The following UBE4B variants were observed in gnomAD, a reference collection of about 807,000 sequenced individuals.
UBE4B encodes the protein ubiquitin conjugation factor E4 B.
In UBE4B, 27 loss-of-function variants were observed where a neutral mutation model predicts 148.1. That is an observed-to-expected ratio of 0.18 (90% CI 0.13 to 0.25). The LOEUF is 0.25. Ranked by LOEUF, UBE4B falls within the 10% of genes least tolerant of loss-of-function variation. The pLI, the probability that UBE4B is intolerant of heterozygous loss-of-function variation, is 1.00. For synonymous variants in UBE4B, 596 were observed against 619.3 expected (o/e 0.96, Z 0.56); for missense variants, 1,170 against 1,662.4 (o/e 0.70, Z 5.15).
chr1:10,173,000 G>A (rs574982517), intron 25 of UBE4B, among the ~76,000 whole-genome samples: 4 of 152,234 alleles, frequency 2.6e-5, no homozygotes, highest in South Asian at 4.1e-4. Context: ...ATAGAGCCTC[G>A]ACGTGGTGTA....
chr1:10,143,399 T>TA (rs142948257), intron 17 of UBE4B, among the ~76,000 whole-genome samples: 1,979 of 148,540 alleles, frequency 0.013, 17 homozygotes, highest in Non-Finnish European at 0.02. Flanking sequence ...AGGCTCAGTC[T>TA]AAAAAAAAAA....
chr1:10,102,585 A>G (rs1233726461), intron 4 of UBE4B, among the ~76,000 whole-genome samples: 1 of 150,904 alleles, frequency 6.6e-6, no homozygotes, highest in African/African-American at 2.4e-5. Flanking sequence ...TAATTTTTGT[A>G]TTTTTAGTAG....
At chr1:10,073,597 G>A (rs1644523857) in intron 2 of UBE4B, among the ~76,000 whole-genome samples, 1 of 152,086 alleles carries the variant, frequency 6.6e-6, no homozygotes, top group Non-Finnish European at 1.5e-5. Context: ...CTACCTGCCT[G>A]TAATTCCAAC....
chr1:10,079,531 AT>A (rs1264743280), intron 2 of UBE4B, among the ~76,000 whole-genome samples: 1 of 152,248 alleles, frequency 6.6e-6, no homozygotes, highest in Non-Finnish European at 1.5e-5. Context: ...TTATCAACAT[AT>A]TTTTAAAGAT....
chr1:10,149,655 A>G (rs1468334890), intron 20 of UBE4B, among the ~76,000 whole-genome samples: 2 of 152,222 alleles, frequency 1.3e-5, no homozygotes, highest in Non-Finnish European at 2.9e-5. Flanking sequence ...CAATTGTAAA[A>G]TTGGAGAATG....
intron 17 of UBE4B, among the ~76,000 whole-genome samples, chr1:10,138,333 G>A (rs997939014): frequency 1.1e-4 from 17 of 151,894 alleles, no homozygotes; most frequent in Admixed American, 5.9e-4. Context: ...TCCTGACCTC[G>A]TGATCCGCCC....
rs1646319289 is a variant in UBE4B at position 10,170,258 on chromosome 1, A to G, written c.3334-880A>G. 3.3e-5 allele frequency among the ~76,000 whole-genome samples: 5 copies of G among 152,230 alleles called. No homozygotes were observed. In the South Asian group the frequency reaches 8.3e-4, roughly 25 times the overall value. ...GATCTCTCCTACTTCAAACAGAATG[A>G]CCAACTCTGTCCTGTTATGACTCTT... On this transcript the variant is annotated intron_variant, in intron 24 of 27. Transcript: ENST00000343090.
intron 1 of UBE4B, among the ~76,000 whole-genome samples, chr1:10,040,146 A>T (rs986878894): frequency 6.6e-6 from 1 of 151,166 alleles, no homozygotes; most frequent in African/African-American, 2.4e-5. Flanking sequence ...GTCTTTTGAG[A>T]CAGGGTCTCC....
intron 1 of UBE4B, chr1:10,054,530 T>A: frequency 2.9e-6 from 1 of 348,576 alleles, no homozygotes; most frequent in Non-Finnish European, 5.5e-6. Context: ...TACCTTTCTC[T>A]TTGGCTTTCT....
At chr1:10,164,991 A>G (rs1646225296) in intron 23 of UBE4B, among the ~76,000 whole-genome samples, 1 of 151,864 alleles carries the variant, frequency 6.6e-6, no homozygotes, top group African/African-American at 2.4e-5. Context: ...TCAGGCAACG[A>G]GAAACACTGC....
intron 23 of UBE4B, among the ~76,000 whole-genome samples, chr1:10,165,297 G>A (rs1009487275): frequency 2.6e-5 from 4 of 152,042 alleles, no homozygotes; most frequent in South Asian, 2.1e-4. Flanking sequence ...ATTTCTCTGC[G>A]TCTCTCAGCA....
Position 10,106,466 on chromosome 1 carries a change from C to G in UBE4B, c.1079C>G (p.Pro360Arg), listed in dbSNP as rs757748660. Residue 360 changes from proline (P) to arginine (R), a missense_variant, in exon 7 of 28, where the codon CCC becomes CGC. By Grantham distance (103) the Pro-to-Arg change is moderately radical. Around this residue, in one of 6 missense-constraint regions of UBE4B, gnomAD observed 214 missense variants for 209.1 expected, o/e 1.02. Transcript: ENST00000343090. This position sits in a 1 kb window ranked among gnomAD's most constrained non-coding sequence, Gnocchi z 4.2. Reference protein sequence around the residue: ...SPSPPALASSPQAVPASSSRQ... With the variant: ...SPSPPALASSRQAVPASSSRQ... ...AGTCCCCCTGCCCTCGCCAGTAGCC[C>G]CCAAGCAGTGCCCGCCAGCAGTTCC... The G allele has an allele frequency of 1.2e-6, 2 of 1,613,978 alleles. No homozygotes were observed. The highest frequency in any genetic ancestry group is 1.7e-6 in the Non-Finnish European group (2 of 1,180,006).
chr1:10,051,208 TC>T (rs1478382336), intron 1 of UBE4B, among the ~76,000 whole-genome samples: 4 of 152,148 alleles, frequency 2.6e-5, no homozygotes, highest in Non-Finnish European at 4.4e-5. Flanking sequence ...ATTGGATGAT[TC>T]TGGGGAAAGT....
At chr1:10,158,629 TG>T in intron 22 of UBE4B, 147 bp downstream of exon 22, 1 of 1,076,806 alleles carries the variant, frequency 9.3e-7, no homozygotes, top group Non-Finnish European at 1.3e-6. Context: ...CCACTAAATG[TG>T]GGCAGGATTT....
chr1:10,074,590 A>G (rs1464874636), intron 2 of UBE4B, among the ~76,000 whole-genome samples: 1 of 152,012 alleles, frequency 6.6e-6, no homozygotes, highest in Non-Finnish European at 1.5e-5. Flanking sequence ...GCTCTGAGTC[A>G]CTGTCTGGTC....
At chr1:10,166,435 C>T (rs1427315974) in intron 23 of UBE4B, 4 of 152,156 alleles carry the variant, frequency 2.6e-5, no homozygotes, top group African/African-American at 9.7e-5. Context: ...CTTGTAGAGG[C>T]AGAGAGGCAG....
chr1:10,124,157 C>CTATT (rs1035398498), intron 10 of UBE4B, among the ~76,000 whole-genome samples: 8 of 151,980 alleles, frequency 5.3e-5, no homozygotes, highest in Non-Finnish European at 1.2e-4. Flanking sequence ...CCTGTTTATT[C>CTATT]TATTAATTAA....
chr1:10,146,904 C>T (rs1645882131), intron 18 of UBE4B, 59 bp from the exon 19 acceptor site: 1 of 1,592,748 alleles, frequency 6.3e-7, no homozygotes, highest in Admixed American at 1.7e-5. Context: ...CTGCCCAGTC[C>T]CCCTGTAGGG....
At chr1:10,045,185 A>T (rs1019936550) in intron 1 of UBE4B, among the ~76,000 whole-genome samples, 1 of 152,198 alleles carries the variant, frequency 6.6e-6, no homozygotes, top group Non-Finnish European at 1.5e-5. Context: ...GAGTGGCTGC[A>T]AATACAGATG....
Sources: gnomAD v4.1 joint callset for allele counts (sites outside exome capture counted in the v4.1 genomes callset) on GRCh38, gnomAD v4.1.1 for gene constraint, gnomAD v4.1.1 regional missense constraint, Gnocchi (gnomAD v3.1) non-coding constraint, MANE v1.5 for transcripts, NCBI Gene and HGNC (gene_info 2026-07-23, HGNC 2026-07-21) for gene names.